CLDN16: variants seen among roughly 807,000 people sequenced by gnomAD.
CLDN16 encodes the protein claudin-16.
In CLDN16, 13 loss-of-function variants were observed where a neutral mutation model predicts 24.6. That is an observed-to-expected ratio of 0.53 (90% confidence interval 0.34 to 0.84). CLDN16 has a LOEUF of 0.84. Among genes scored for constraint, CLDN16 ranks in the 40% least tolerant of loss-of-function variants. The pLI is 0.01. For synonymous variants in CLDN16, 116 were observed against 106.7 expected, an observed-to-expected ratio of 1.09 and a Z score of -0.54; for missense variants, 298 against 292.7, an observed-to-expected ratio of 1.02 and a Z score of -0.13.
chr3:190,297,694 A>C, the CLDN16 span, among the ~76,000 whole-genome samples: 1 of 141,856 alleles, frequency 7.0e-6, no homozygotes, highest in Admixed American at 7.4e-5. Flanking sequence ...TTAATATATA[A>C]ATATATAAAA....
intron 1 of CLDN16, among the ~76,000 whole-genome samples, chr3:190,348,326 A>G (rs1313312348): frequency 8.6e-6 from 1 of 116,216 alleles, no homozygotes; most frequent in Non-Finnish European, 1.7e-5. Flanking sequence ...GGAAGACAGC[A>G]AGACTGCAAT....
At chr3:190,336,715 A>G (rs1717314396) in intron 1 of CLDN16, among the ~76,000 whole-genome samples, 1 of 152,218 alleles carries the variant, frequency 6.6e-6, no homozygotes, top group Non-Finnish European at 1.5e-5. Flanking sequence ...GGGTTTCATA[A>G]CAGGCTGCTG....
chr3:190,310,139 AC>A, the CLDN16 span: 1 of 1,583,744 alleles, frequency 6.3e-7, no homozygotes, highest in East Asian at 2.2e-5. Flanking sequence ...TTCTCAGAAA[AC>A]AAACTATTTT....
At chr3:190,390,961 A>C (rs560452297) in intron 1 of CLDN16, among the ~76,000 whole-genome samples, 1 of 152,042 alleles carries the variant, frequency 6.6e-6, no homozygotes, top group Non-Finnish European at 1.5e-5. Context: ...AATTTTAAAA[A>C]TTTTTTGTAA....
chr3:190,297,310 T>C, the CLDN16 span, among the ~76,000 whole-genome samples: 1 of 151,476 alleles, frequency 6.6e-6, no homozygotes, highest in East Asian at 1.9e-4. Context: ...GCTGAGTCCA[T>C]ATATTATTCT....
intron 1 of CLDN16, among the ~76,000 whole-genome samples, chr3:190,393,895 C>A (rs1403652292): frequency 2.0e-5 from 3 of 151,880 alleles, no homozygotes; most frequent in African/African-American, 7.3e-5. Context: ...GGACTACAGG[C>A]AAGCACCACC....
chr3:190,399,515 A>G (rs573942738), intron 1 of CLDN16, among the ~76,000 whole-genome samples: 38 of 54,340 alleles, frequency 7.0e-4, no homozygotes, highest in African/African-American at 3.2e-3. Context: ...GCCTCAAAAA[A>G]AATTGTTTTT....
At chr3:190,341,381 C>T (rs1717429131) in intron 1 of CLDN16, among the ~76,000 whole-genome samples, 1 of 152,194 alleles carries the variant, frequency 6.6e-6, no homozygotes, top group African/African-American at 2.4e-5. Context: ...CTTGCAGGCT[C>T]AACACCAGGT....
At chr3:190,345,649 C>T (rs1459138509) in intron 1 of CLDN16, among the ~76,000 whole-genome samples, 1 of 152,130 alleles carries the variant, frequency 6.6e-6, no homozygotes, top group Non-Finnish European at 1.5e-5. Context: ...AATTCTGGTT[C>T]TAGTTTTGCC....
chr3:190,296,485 C>T, the CLDN16 span, among the ~76,000 whole-genome samples: 1 of 150,836 alleles, frequency 6.6e-6, no homozygotes, highest in Non-Finnish European at 1.5e-5. Flanking sequence ...ATGGCCAGGT[C>T]AAGATGGTCT....
chr3:190,327,247 T>C (rs1717085822), intron 1 of CLDN16, among the ~76,000 whole-genome samples: 1 of 152,218 alleles, frequency 6.6e-6, no homozygotes, highest in African/African-American at 2.4e-5. Context: ...GAAACCTCCG[T>C]ATTTCCTTGA....
At chr3:190,391,568 C>G (rs116968907) in intron 1 of CLDN16, among the ~76,000 whole-genome samples, 1 of 152,062 alleles carries the variant, frequency 6.6e-6, no homozygotes, top group Admixed American at 6.6e-5. Context: ...AGCCTTGAAA[C>G]GATGTAAAGC....
At chr3:190,312,956 T>C in the CLDN16 span, 3 of 1,614,216 alleles carry the variant, frequency 1.9e-6, no homozygotes, top group Admixed American at 1.7e-5. Context: ...ATACACTTCA[T>C]GCCAACGGTG....
intron 1 of CLDN16, among the ~76,000 whole-genome samples, chr3:190,363,556 GTATATATATATATATATATATATATA>G (rs1221514630): frequency 5.5e-4 from 48 of 87,402 alleles, no homozygotes; most frequent in African/African-American, 2.2e-3. Flanking sequence ...GTGTGTGTGT[GTATATATATATATATATATATATATA>G]TATATATATA....
the CLDN16 span, among the ~76,000 whole-genome samples, chr3:190,310,483 A>G: frequency 1.3e-5 from 2 of 152,158 alleles, no homozygotes; most frequent in East Asian, 3.9e-4. Flanking sequence ...CTTTTTTATG[A>G]TATCTTGGCA....
the CLDN16 span, among the ~76,000 whole-genome samples, chr3:190,311,985 T>C: frequency 6.6e-6 from 1 of 151,358 alleles, no homozygotes; most frequent in Non-Finnish European, 1.5e-5. Flanking sequence ...CAGTCTTCTG[T>C]TGCTTAGGCT....
chr3:190,372,563 G>A (rs1047036876), intron 2 of CLDN16, among the ~76,000 whole-genome samples: 2 of 151,834 alleles, frequency 1.3e-5, no homozygotes, highest in African/African-American at 4.8e-5. Context: ...AGGATCAATT[G>A]AGCCTAAGAG....
chr3:190,372,136 C>A (rs948135619), intron 2 of CLDN16, among the ~76,000 whole-genome samples: 5 of 151,870 alleles, frequency 3.3e-5, no homozygotes, highest in Non-Finnish European at 7.4e-5. Flanking sequence ...ATACTTGAGG[C>A]CGGCTAAGGA....
the CLDN16 span, chr3:190,313,237 T>C: frequency 1.7e-6 from 1 of 587,904 alleles, no homozygotes; most frequent in Non-Finnish European, 3.0e-6. Flanking sequence ...GGCTGGATGA[T>C]GAAAAAGAGA....
Sources: gnomAD v4.1 joint callset for allele counts (sites outside exome capture counted in the v4.1 genomes callset) on GRCh38, gnomAD v4.1.1 for gene constraint, MANE v1.5 for transcripts, NCBI Gene and HGNC (gene_info 2026-07-23, HGNC 2026-07-21) for gene names.